SPHKAP: variants seen among roughly 807,000 people sequenced by gnomAD.
SPHKAP encodes A-kinase anchor protein SPHKAP.
In SPHKAP, 67 loss-of-function variants were observed where a neutral mutation model predicts 137.5. The ratio of observed to expected loss-of-function variants is 0.49; its 90% CI spans 0.40 to 0.60. The LOEUF (loss-of-function observed/expected upper bound fraction) is 0.60. Among genes scored for constraint, SPHKAP ranks in the 20% least tolerant of loss-of-function variants. The pLI, the probability that SPHKAP is intolerant of heterozygous loss-of-function variation, is 0.00. For synonymous variants in SPHKAP, 813 were observed against 785.3 expected (o/e 1.04, Z -0.59); for missense variants, 2,097 against 2,069.3 (o/e 1.01, Z -0.26).
chr2:228,132,824 C>G (rs981646353), intron 1 of SPHKAP, among the ~76,000 whole-genome samples: 2 of 129,372 alleles, frequency 1.5e-5, no homozygotes, highest in African/African-American at 2.8e-5. Flanking sequence ...ACGGTGAAAC[C>G]CTGTTTCTAC....
chr2:228,178,588 C>T (rs1700805878), intron 1 of SPHKAP, among the ~76,000 whole-genome samples: 1 of 151,910 alleles, frequency 6.6e-6, no homozygotes, highest in Admixed American at 6.6e-5. Context: ...CAAATCAAAT[C>T]AATTTTCCAT....
intron 8 of SPHKAP, chr2:227,994,049 T>C: frequency 1.0e-6 from 1 of 985,338 alleles, no homozygotes; most frequent in Non-Finnish European, 1.2e-6. Flanking sequence ...CAGGAACCAG[T>C]TTTGACAGAA....
At chr2:228,088,255 T>C (rs1337848754) in intron 3 of SPHKAP, among the ~76,000 whole-genome samples, 2 of 152,194 alleles carry the variant, frequency 1.3e-5, no homozygotes, top group African/African-American at 4.8e-5. Context: ...GAATTTGGAA[T>C]ATATATAGAT....
chr2:228,092,263 G>T (rs190512357), intron 3 of SPHKAP, among the ~76,000 whole-genome samples: 2 of 137,254 alleles, frequency 1.5e-5, no homozygotes, highest in Non-Finnish European at 3.1e-5. Flanking sequence ...GTGTGTATAC[G>T]TACACACACA....
At position 228,059,062 on chromosome 2, in the gene SPHKAP, C is replaced by T. The variant is rs534279483; in HGVS notation, c.247-31519G>A. Among the ~76,000 whole-genome samples, 167 of 152,260 alleles carry T rather than the reference C, an allele frequency of 1.1e-3. 1 individual carries two copies. The highest frequency in any genetic ancestry group is 3.6e-3 in the African/African-American group (149 of 41,548). ...TGTACGGCATGTAACTATTTTCATACTGGGTTCTTTCACCCAGAAAAATGC... is the reference window on the plus strand; with the variant it reads ...TGTACGGCATGTAACTATTTTCATATTGGGTTCTTTCACCCAGAAAAATGC... On this transcript the variant is annotated intron_variant, in intron 3 of 11. Transcript: ENST00000392056.
intron 3 of SPHKAP, among the ~76,000 whole-genome samples, chr2:228,036,745 A>T (rs2106250326): frequency 6.6e-6 from 1 of 152,288 alleles, no homozygotes; most frequent in Middle Eastern, 3.4e-3. Context: ...GACACGGATG[A>T]AGCTGGAAAC....
intron 1 of SPHKAP, among the ~76,000 whole-genome samples, chr2:228,145,202 C>T (rs934557920): frequency 1.3e-5 from 2 of 152,074 alleles, no homozygotes; most frequent in Non-Finnish European, 2.9e-5. Flanking sequence ...ATCATCACAC[C>T]ACAAAAAGGA....
intron 7 of SPHKAP, among the ~76,000 whole-genome samples, chr2:227,998,935 C>T (rs1343964748): frequency 6.6e-6 from 1 of 152,216 alleles, no homozygotes; most frequent in Non-Finnish European, 1.5e-5. Context: ...CAACCTAAGA[C>T]AGGTGGCCTC....
At chr2:228,139,341 A>T (rs1359646090) in intron 1 of SPHKAP, among the ~76,000 whole-genome samples, 5 of 152,182 alleles carry the variant, frequency 3.3e-5, no homozygotes, top group Non-Finnish European at 5.9e-5. Context: ...ATCTCTTCTT[A>T]AACAGATACT....
At chr2:227,995,345 G>T (rs1693595678) in intron 8 of SPHKAP, among the ~76,000 whole-genome samples, 164 bp downstream of exon 8, 1 of 152,150 alleles carries the variant, frequency 6.6e-6, no homozygotes, top group Non-Finnish European at 1.5e-5. Flanking sequence ...ATACCTCTCA[G>T]CACAAATCAT....
chr2:228,084,691 A>AT (rs1697483388), intron 3 of SPHKAP, among the ~76,000 whole-genome samples: 3 of 152,336 alleles, frequency 2.0e-5, no homozygotes, highest in African/African-American at 7.2e-5. Context: ...AAGCAAATTA[A>AT]TTTCCCCTTT....
At chr2:227,982,873 A>G (rs923195653) in intron 11 of SPHKAP, among the ~76,000 whole-genome samples, 2 of 152,206 alleles carry the variant, frequency 1.3e-5, no homozygotes, top group African/African-American at 4.8e-5. Context: ...TATTTGCTGA[A>G]CGACAGAAGG....
At chr2:228,115,505 C>T (rs1698680546) in intron 2 of SPHKAP, among the ~76,000 whole-genome samples, 1 of 152,064 alleles carries the variant, frequency 6.6e-6, no homozygotes, top group Non-Finnish European at 1.5e-5. Context: ...AGTCTGCTCT[C>T]CAAAGTTTAA....
chr2:227,992,300 C>T (rs893021469), intron 9 of SPHKAP, among the ~76,000 whole-genome samples: 7 of 152,126 alleles, frequency 4.6e-5, no homozygotes, highest in Non-Finnish European at 7.4e-5. Context: ...TTCATTCATA[C>T]TTATTTATTT....
At chr2:228,152,143 C>T (rs891624194) in intron 1 of SPHKAP, among the ~76,000 whole-genome samples, 4 of 152,136 alleles carry the variant, frequency 2.6e-5, no homozygotes, top group South Asian at 2.1e-4. Flanking sequence ...CTCCACTATG[C>T]ATGGCCAATT....
In SPHKAP at chr2:228,132,454, C is replaced by T. The variant is rs183725993; in HGVS notation, c.33-369G>A. Reference sequence around the variant, plus strand: ...TAATTCAGCTCTGAAAACACCAACACATAACAAAATATTCATTTTATTTTT... The same window carrying T: ...TAATTCAGCTCTGAAAACACCAACATATAACAAAATATTCATTTTATTTTT... On this transcript the variant is annotated intron_variant, in intron 1 of 11. Coordinates refer to ENST00000392056, the MANE Select transcript of SPHKAP (RefSeq NM_001142644.2). 1.6e-4 allele frequency: 102 copies of T among 621,654 alleles called. No individual in the cohort carries two copies. The African/African-American group carries it at 1.9e-3, about 11-fold the overall frequency. The allele number at this position is 621,654 out of a possible 1,614,324, so 38.5% of individuals were successfully genotyped here.
intron 7 of SPHKAP, among the ~76,000 whole-genome samples, chr2:228,007,692 G>A (rs1224618954): frequency 6.6e-6 from 1 of 152,120 alleles, no homozygotes; most frequent in Non-Finnish European, 1.5e-5. Context: ...AAAACAGGAT[G>A]GCAATGGCAT....
At chr2:228,100,958 C>T (rs1698167399) in intron 3 of SPHKAP, among the ~76,000 whole-genome samples, 1 of 152,074 alleles carries the variant, frequency 6.6e-6, no homozygotes, top group Non-Finnish European at 1.5e-5. Flanking sequence ...AGAGAATGGC[C>T]AAGCACTTTT....
chr2:228,039,769 A>C (rs1478154141), intron 3 of SPHKAP, among the ~76,000 whole-genome samples: 13 of 152,244 alleles, frequency 8.5e-5, no homozygotes, highest in African/African-American at 2.9e-4. Context: ...ATAAGATAAA[A>C]ATGAGTTTGA....
Sources: allele counts gnomAD v4.1 joint callset (sites outside exome capture counted in the v4.1 genomes callset), GRCh38; gene constraint gnomAD v4.1.1; transcripts MANE v1.5; gene names NCBI Gene and HGNC (gene_info 2026-07-23, HGNC 2026-07-21).